The following BTBD9 variants were observed in gnomAD, a reference collection of about 807,000 sequenced individuals.
BTBD9 encodes BTB/POZ domain-containing protein 9.
BTBD9 carries 49 observed loss-of-function variants against 64.3 expected under a neutral mutation model. That is an observed-to-expected ratio of 0.76 (90% CI 0.61 to 0.97). The LOEUF (loss-of-function observed/expected upper bound fraction) is 0.97, where lower values mean the gene tolerates loss of function less well. Among genes scored for constraint, BTBD9 ranks in the 50% least tolerant of loss-of-function variants. The probability of loss-of-function intolerance (pLI) is 0.00; values close to 1 mark genes in which losing one functional copy is unlikely to be tolerated. For missense variants in BTBD9, 598 were observed against 762.1 expected (o/e 0.78, Z 2.53); for synonymous variants, 260 against 274.7 (o/e 0.95, Z 0.53).
intron 1 of BTBD9, among the ~76,000 whole-genome samples, chr6:38,613,764 C>T (rs1481983821): frequency 6.6e-6 from 1 of 152,134 alleles, no homozygotes; most frequent in African/African-American, 2.4e-5. Flanking sequence ...TACTGACATT[C>T]CTGTAGCAAT....
chr6:38,582,517 T>A (rs1315194021), intron 4 of BTBD9, among the ~76,000 whole-genome samples: 1 of 152,188 alleles, frequency 6.6e-6, no homozygotes, highest in Non-Finnish European at 1.5e-5. Flanking sequence ...ACCTAAGCAG[T>A]CTGCCTGCAG....
intron 6 of BTBD9, among the ~76,000 whole-genome samples, chr6:38,495,939 T>C (rs918477900): frequency 1.3e-5 from 2 of 152,192 alleles, no homozygotes; most frequent in African/African-American, 4.8e-5. Context: ...TAAGAAATGG[T>C]ATGGGAGTCA....
chr6:38,215,991 T>C (rs1762997795), intron 9 of BTBD9, among the ~76,000 whole-genome samples: 2 of 152,228 alleles, frequency 1.3e-5, no homozygotes, highest in South Asian at 4.1e-4. Flanking sequence ...AGGCCCTCAA[T>C]ATCAATTTTC....
intron 6 of BTBD9, among the ~76,000 whole-genome samples, chr6:38,475,264 A>G (rs1198814419): frequency 1.3e-5 from 2 of 152,154 alleles, no homozygotes; most frequent in African/African-American, 2.4e-5. Flanking sequence ...ATCTTTTTCT[A>G]TTTTCCAAAT....
At chr6:38,455,965 C>T in intron 6 of BTBD9, among the ~76,000 whole-genome samples, 1 of 151,768 alleles carries the variant, frequency 6.6e-6, no homozygotes, top group Admixed American at 6.6e-5. Context: ...GCATGAGCCA[C>T]TGCACCTAGC....
intron 9 of BTBD9, among the ~76,000 whole-genome samples, chr6:38,235,462 T>G (rs1763744923): frequency 2.0e-5 from 3 of 152,154 alleles, no homozygotes; most frequent in Admixed American, 1.3e-4. Flanking sequence ...AAACCTGAGC[T>G]AGTGAGGAGG....
intron 8 of BTBD9, among the ~76,000 whole-genome samples, chr6:38,285,000 G>A (rs1254017531): frequency 2.0e-5 from 3 of 151,574 alleles, no homozygotes; most frequent in African/African-American, 7.3e-5. Flanking sequence ...GTTGGGGAGG[G>A]TGGGGAGGGG....
chr6:38,286,064 G>A (rs549537347), intron 8 of BTBD9, among the ~76,000 whole-genome samples: 30 of 152,310 alleles, frequency 2.0e-4, no homozygotes, highest in African/African-American at 6.5e-4. Flanking sequence ...ATTTGTACAG[G>A]TAGCTGATGT....
At chr6:38,605,591 C>A (rs7750482) in intron 1 of BTBD9, among the ~76,000 whole-genome samples, 10,820 of 152,158 alleles carry the variant, frequency 0.071, 899 homozygotes, top group East Asian at 0.24. Context: ...CACAAAATGA[C>A]AAGTGAATTA....
chr6:38,221,479 A>C (rs1283143124), intron 9 of BTBD9, among the ~76,000 whole-genome samples: 1 of 152,170 alleles, frequency 6.6e-6, no homozygotes, highest in Non-Finnish European at 1.5e-5. Flanking sequence ...ATGGGCCAAG[A>C]GTACCACTAA....
Position 38,289,357 on chromosome 6 carries a change from C to T in BTBD9, c.1265-896G>A, listed in dbSNP as rs916604006. 1.2e-4 allele frequency among the ~76,000 whole-genome samples: 19 copies of T among 152,076 alleles called. 2 individuals carry two copies. Among genetic ancestry groups the T allele is most frequent in the Non-Finnish European group, 1.5e-5 (1 of 68,018 alleles). ...CCACTGTCCTCCAGCCTTAATAACA[C>T]GGTGAGACTCCCTCTCAAAAAAAAT... On this transcript the variant is annotated intron_variant, in intron 7 of 10. Transcript: ENST00000481247.
chr6:38,538,676 T>C (rs1774130089), intron 6 of BTBD9, among the ~76,000 whole-genome samples: 1 of 152,102 alleles, frequency 6.6e-6, no homozygotes. Context: ...GGTGCAATTA[T>C]AGCTCACTGT....
At chr6:38,596,344 A>G (rs147776340) in intron 2 of BTBD9, among the ~76,000 whole-genome samples, 93 of 152,318 alleles carry the variant, frequency 6.1e-4, no homozygotes, top group African/African-American at 2.2e-3. Flanking sequence ...CATTCACTCA[A>G]TACGATCTTC....
At chr6:38,504,560 A>G (rs1667304441) in intron 6 of BTBD9, 1 of 456,676 alleles carries the variant, frequency 2.2e-6, no homozygotes, top group Non-Finnish European at 4.4e-6. Flanking sequence ...GATCTCTCAT[A>G]AACTGCGGGT....
chr6:38,352,418 C>G (rs1764556989), intron 6 of BTBD9, among the ~76,000 whole-genome samples: 1 of 151,988 alleles, frequency 6.6e-6, no homozygotes, highest in Non-Finnish European at 1.5e-5. Context: ...ATGCTAAGCC[C>G]CATGAGGAAT....
chr6:38,560,914 G>A (rs148723755), intron 6 of BTBD9, among the ~76,000 whole-genome samples: 8 of 152,216 alleles, frequency 5.3e-5, no homozygotes, highest in African/African-American at 7.2e-5. Flanking sequence ...ACATGATCTC[G>A]CTCTATTTTT....
chr6:38,319,561 C>T (rs909363877), intron 7 of BTBD9, among the ~76,000 whole-genome samples: 14 of 151,988 alleles, frequency 9.2e-5, no homozygotes, highest in African/African-American at 3.4e-4. Context: ...CCTTCTGGCC[C>T]AGGGCGTGAC....
At chr6:38,258,920 A>C (rs756751180) in intron 8 of BTBD9, among the ~76,000 whole-genome samples, 1 of 152,182 alleles carries the variant, frequency 6.6e-6, no homozygotes, top group Non-Finnish European at 1.5e-5. Flanking sequence ...ACAATCAATA[A>C]TAATGATCAT....
At chr6:38,245,295 T>C (rs1033881181) in intron 9 of BTBD9, among the ~76,000 whole-genome samples, 1 of 152,202 alleles carries the variant, frequency 6.6e-6, no homozygotes, top group Non-Finnish European at 1.5e-5. Flanking sequence ...TGAGAGGGGA[T>C]AACACAGTGA....
Sources: allele counts gnomAD v4.1 joint callset (sites outside exome capture counted in the v4.1 genomes callset), GRCh38; gene constraint gnomAD v4.1.1; transcripts MANE v1.5; gene names NCBI Gene and HGNC (gene_info 2026-07-23, HGNC 2026-07-21).